The following PRUNE2 variants were observed in gnomAD, a reference collection of about 807,000 sequenced individuals.
The protein encoded by PRUNE2 is prune homolog 2 with BCH domain.
A neutral mutation model predicts 252.0 loss-of-function variants in PRUNE2; 164 were observed. The ratio of observed to expected loss-of-function variants is 0.65; its 90% CI spans 0.57 to 0.74. The LOEUF is 0.74. Among genes scored for constraint, PRUNE2 ranks in the 30% least tolerant of loss-of-function variants. PRUNE2 has a pLI of 0.00. For synonymous variants in PRUNE2, 1,292 were observed against 1,350.2 expected (o/e 0.96, Z 0.94); for missense variants, 3,495 against 3,711.0 (o/e 0.94, Z 1.51).
intron 1 of PRUNE2, among the ~76,000 whole-genome samples, chr9:76,881,589 G>A (rs1223369450): frequency 2.0e-5 from 3 of 150,596 alleles, no homozygotes; most frequent in East Asian, 1.9e-4. Context: ...TTTACAATCC[G>A]TCTCTATAGA....
At chr9:76,838,394 C>T (rs1351068915) in intron 4 of PRUNE2, among the ~76,000 whole-genome samples, 4 of 151,814 alleles carry the variant, frequency 2.6e-5, no homozygotes, top group African/African-American at 9.7e-5. Context: ...TCTGTAATCC[C>T]AACACTTTGG....
At chr9:76,860,989 C>A (rs1176045879) in intron 1 of PRUNE2, among the ~76,000 whole-genome samples, 1 of 152,142 alleles carries the variant, frequency 6.6e-6, no homozygotes, top group Non-Finnish European at 1.5e-5. Flanking sequence ...TGCCACGATT[C>A]TAAGTAAGAA....
In PRUNE2 at chr9:76,707,431, C is replaced by G. The variant is rs1441029202; in HGVS notation, c.4843G>C (p.Asp1615His). The G allele has an allele frequency of 5.6e-6, 9 of 1,613,812 alleles. No individual in the cohort carries two copies. Among genetic ancestry groups the G allele is most frequent in the Non-Finnish European group, 7.6e-6 (9 of 1,179,848 alleles). Residue 1615 changes from aspartate to histidine, a missense_variant, in exon 8 of 19, where the codon GAT (aspartate) becomes CAT (histidine). By Grantham distance (81) the Asp-to-His change is moderately conservative. Transcript: ENST00000376718. ...TCTAAAAATGTAGGAGTTTTGCGAT[C>G]AAAGCTCTTTTCAAACTCATTTATT... The part of the protein sequence containing the change: ...NRINEFEKSF[D>H]RKTPTFLEIW...
intron 9 of PRUNE2, among the ~76,000 whole-genome samples, chr9:76,666,618 G>A (rs888853990): frequency 1.3e-5 from 2 of 152,084 alleles, no homozygotes; most frequent in Non-Finnish European, 2.9e-5. Flanking sequence ...GTCAATCATT[G>A]GAGATGACTC....
At chr9:76,809,493 C>A (rs562744320) in intron 6 of PRUNE2, among the ~76,000 whole-genome samples, 3 of 152,262 alleles carry the variant, frequency 2.0e-5, no homozygotes, top group African/African-American at 7.2e-5. Context: ...GTCAAGAAAT[C>A]GAGACCATCC....
intron 1 of PRUNE2, among the ~76,000 whole-genome samples, chr9:76,883,253 C>T (rs1189175844): frequency 6.6e-6 from 1 of 152,158 alleles, no homozygotes; most frequent in African/African-American, 2.4e-5. Context: ...GAAAAAACCT[C>T]GAGTCGTCCA....
chr9:76,705,256 G>C lies in PRUNE2; in HGVS notation c.7018C>G (p.Gln2340Glu). Residue 2340 changes from glutamine (Q) to glutamate (E), a missense_variant, in exon 8 of 19, where the codon CAA becomes GAA. Transcript: ENST00000376718. ...ETPVDGDLGKQDICSSEASWG... is the reference protein window; with the variant it reads ...ETPVDGDLGKEDICSSEASWG... The stretch of plus-strand genomic sequence containing the variant: ...GAGGCTTCAGATGAGCAGATATCTT[G>C]CTTCCCTAGGTCCCCATCAACTGGC... The C allele has an allele frequency of 6.2e-7, 1 of 1,614,004 alleles. No homozygotes were observed. Among genetic ancestry groups the C allele is most frequent in the Non-Finnish European group, 8.5e-7 (1 of 1,179,886 alleles).
intron 1 of PRUNE2, among the ~76,000 whole-genome samples, chr9:76,874,110 C>T (rs2061360898): frequency 6.6e-6 from 1 of 152,150 alleles, no homozygotes; most frequent in Non-Finnish European, 1.5e-5. Flanking sequence ...AAGGCCACAC[C>T]AGCACTTAAA....
At chr9:76,749,546 T>A (rs986270769) in intron 6 of PRUNE2, among the ~76,000 whole-genome samples, 1 of 152,196 alleles carries the variant, frequency 6.6e-6, no homozygotes, top group Non-Finnish European at 1.5e-5. Context: ...TACTCCTTCC[T>A]TTAAAAACCC....
intron 17 of PRUNE2, among the ~76,000 whole-genome samples, chr9:76,622,814 A>G (rs1832969171): frequency 6.6e-6 from 1 of 152,164 alleles, no homozygotes; most frequent in South Asian, 2.1e-4. Context: ...TTCATTATCT[A>G]ATTGGGTGTC....
rs545785082 is a variant in PRUNE2, at chr9:76,614,420, A to G, written c.*150T>C. Reference sequence around the variant, plus strand: ...ATTTCATAAAATATCTTAAGAGTAAACAAACTTTCTATTTTTCCCCTTAGA... The same window carrying G: ...ATTTCATAAAATATCTTAAGAGTAAGCAAACTTTCTATTTTTCCCCTTAGA... On this transcript the variant is annotated 3_prime_UTR_variant, in exon 19 of 19. Transcript: ENST00000376718. The G allele has an allele frequency of 6.2e-5, 43 of 691,918 alleles. No individual in the cohort carries two copies. The African/African-American group carries it at 7.1e-4, about 11-fold the overall frequency. The allele number at this position is 691,918 out of a possible 1,614,324, so 42.9% of individuals were successfully genotyped here.
intron 9 of PRUNE2, 116 bp downstream of exon 9, chr9:76,703,221 A>G (rs111228691): frequency 0.027 from 22,831 of 852,514 alleles, 474 homozygotes; most frequent in African/African-American, 0.087. Flanking sequence ...TGCATTCAAT[A>G]TAAGCAAAGC....
intron 6 of PRUNE2, among the ~76,000 whole-genome samples, chr9:76,790,339 T>C (rs911780517): frequency 2.6e-5 from 4 of 152,242 alleles, no homozygotes; most frequent in African/African-American, 9.6e-5. Flanking sequence ...ATGTCAATTA[T>C]AGAAAACTAC....
At position 76,890,611 on chromosome 9, in the gene PRUNE2, CAG is replaced by C. The variant is rs1463240130; in HGVS notation, c.36+15315_36+15316del. Among the ~76,000 whole-genome samples the C allele has an allele frequency of 4.6e-5, 7 of 152,186 alleles. No homozygotes were observed. The South Asian group carries it at 1.0e-3, about 22-fold the overall frequency. On this transcript the variant is annotated intron_variant, in intron 1 of 18. Transcript: ENST00000376718. Reference sequence around the variant, plus strand: ...AACTATGCAGATCACATCAGTCTCTCAGAGTCAGTGATTCCACTCCCACCCAA... The same window carrying C: ...AACTATGCAGATCACATCAGTCTCTCAGTCAGTGATTCCACTCCCACCCAA...
At chr9:76,879,702 G>T (rs1256912916) in intron 1 of PRUNE2, among the ~76,000 whole-genome samples, 1 of 151,498 alleles carries the variant, frequency 6.6e-6, no homozygotes, top group African/African-American at 2.4e-5. Context: ...AGGCCCCAAA[G>T]GAAGTGCGGG....
chr9:76,804,686 G>T (rs1391132218), intron 6 of PRUNE2, among the ~76,000 whole-genome samples: 1 of 152,194 alleles, frequency 6.6e-6, no homozygotes, highest in Non-Finnish European at 1.5e-5. Flanking sequence ...GAAAGCCCCA[G>T]TGGGTGCTGG....
intron 6 of PRUNE2, chr9:76,785,117 T>C (rs2054839275): frequency 6.6e-6 from 1 of 152,304 alleles, no homozygotes; most frequent in African/African-American, 2.4e-5. Flanking sequence ...CAGCCTTATC[T>C]GTCATCACCA....
chr9:76,835,612 T>C (rs548718418), intron 4 of PRUNE2, among the ~76,000 whole-genome samples: 8 of 152,316 alleles, frequency 5.3e-5, no homozygotes, highest in Non-Finnish European at 7.3e-5. Context: ...CAATCACTTC[T>C]TCCCCCTACC....
At chr9:76,788,513 G>A in intron 6 of PRUNE2, 1 of 718,682 alleles carries the variant, frequency 1.4e-6, no homozygotes, top group Non-Finnish European at 2.6e-6. Context: ...GTGCCCTTGG[G>A]GAAAAGCTCA....
Sources: gnomAD v4.1 joint callset for allele counts (sites outside exome capture counted in the v4.1 genomes callset) on GRCh38, gnomAD v4.1.1 for gene constraint, MANE v1.5 for transcripts, NCBI Gene and HGNC (gene_info 2026-07-23, HGNC 2026-07-21) for gene names.